The following EXOC4 variants were observed in gnomAD, a reference collection of about 807,000 sequenced individuals.
The protein encoded by EXOC4 is exocyst complex component 4.
Under a neutral mutation model 107.2 loss-of-function variants are expected in EXOC4, and 71 were observed. That is an observed-to-expected ratio of 0.66 (90% CI 0.55 to 0.81). EXOC4 has a LOEUF of 0.81. Among genes scored for constraint, EXOC4 ranks in the 30% least tolerant of loss-of-function variants. The pLI is 0.00. For missense variants in EXOC4, 1,108 were observed against 1,189.6 expected (o/e 0.93, Z 1.01); for synonymous variants, 456 against 441.2 (o/e 1.03, Z -0.42).
At chr7:133,751,951 C>T (rs1270289521) in intron 10 of EXOC4, among the ~76,000 whole-genome samples, 1 of 149,258 alleles carries the variant, frequency 6.7e-6, no homozygotes, top group East Asian at 2.0e-4. Context: ...TTGAGACCAG[C>T]CTGCACAACA....
chr7:133,934,984 T>C (rs1453700061), intron 13 of EXOC4, among the ~76,000 whole-genome samples: 1 of 151,236 alleles, frequency 6.6e-6, no homozygotes, highest in Non-Finnish European at 1.5e-5. Flanking sequence ...AGAAATTGCA[T>C]TTAGCAGCTA....
intron 9 of EXOC4, among the ~76,000 whole-genome samples, chr7:133,592,071 G>C (rs1801562525): frequency 6.6e-6 from 1 of 151,814 alleles, no homozygotes; most frequent in Non-Finnish European, 1.5e-5. Context: ...CTTTTTTCTT[G>C]TTTTTTTGAG....
chr7:133,877,260 T>G (rs1367883398), intron 11 of EXOC4, among the ~76,000 whole-genome samples: 1 of 152,240 alleles, frequency 6.6e-6, no homozygotes, highest in Non-Finnish European at 1.5e-5. Context: ...TCCCTGGGTC[T>G]GTTTCTCTTA....
chr7:133,885,709 A>G (rs945596197), intron 11 of EXOC4, among the ~76,000 whole-genome samples: 13 of 152,162 alleles, frequency 8.5e-5, no homozygotes, highest in Admixed American at 2.6e-4. Flanking sequence ...TGAGCTAGGA[A>G]TAGTATTCCA....
chr7:133,920,019 C>A (rs985359761), intron 13 of EXOC4, among the ~76,000 whole-genome samples: 1 of 152,166 alleles, frequency 6.6e-6, no homozygotes, highest in Non-Finnish European at 1.5e-5. Flanking sequence ...GGAACAAGAG[C>A]TCCTGTTTCT....
At chr7:133,419,883 G>A (rs929506485) in intron 7 of EXOC4, among the ~76,000 whole-genome samples, 1 of 152,016 alleles carries the variant, frequency 6.6e-6, no homozygotes, top group Non-Finnish European at 1.5e-5. Context: ...CTGCTTCAGG[G>A]TCTCTCACCA....
intron 10 of EXOC4, among the ~76,000 whole-genome samples, chr7:133,719,392 G>A (rs536181354): frequency 3.3e-5 from 5 of 152,244 alleles, no homozygotes; most frequent in African/African-American, 9.6e-5. Context: ...AGGAAAAATA[G>A]TGTGGTGGTA....
At chr7:133,437,898 A>C (rs186177013) in intron 7 of EXOC4, among the ~76,000 whole-genome samples, 1 of 152,324 alleles carries the variant, frequency 6.6e-6, no homozygotes, top group East Asian at 1.9e-4. Context: ...TAGCTAGTTT[A>C]GTCTTCATTA....
chr7:134,052,501 A>T (rs1380469625), intron 17 of EXOC4, among the ~76,000 whole-genome samples: 1 of 152,024 alleles, frequency 6.6e-6, no homozygotes, highest in African/African-American at 2.4e-5. Context: ...AATGTATGTC[A>T]GCATGGAGGA....
intron 1 of EXOC4, among the ~76,000 whole-genome samples, chr7:133,266,713 G>A (rs1793737674): frequency 6.6e-6 from 1 of 152,166 alleles, no homozygotes; most frequent in Admixed American, 6.5e-5. Flanking sequence ...GAGTTTTAAT[G>A]TTATGTTCTT....
chr7:133,498,210 T>C (rs1171526709), intron 9 of EXOC4, among the ~76,000 whole-genome samples: 2 of 152,188 alleles, frequency 1.3e-5, no homozygotes, highest in Admixed American at 1.3e-4. Flanking sequence ...CTCCTCCTTC[T>C]TTGCCATAGA....
At chr7:133,920,646 A>G (rs1344353675) in intron 13 of EXOC4, among the ~76,000 whole-genome samples, 1 of 152,244 alleles carries the variant, frequency 6.6e-6, no homozygotes, top group East Asian at 1.9e-4. Flanking sequence ...CATAAGCTAG[A>G]ATCATTGACT....
intron 9 of EXOC4, among the ~76,000 whole-genome samples, chr7:133,526,716 A>G (rs565815620): frequency 6.6e-6 from 1 of 152,344 alleles, no homozygotes; most frequent in South Asian, 2.1e-4. Flanking sequence ...TTTCGCCTAT[A>G]GTCCCAGCAC....
rs1410700817 is a variant in EXOC4, at chr7:134,065,270, C to G, written c.*742C>G. 1 of 152,192 alleles carries G rather than the reference C, an allele frequency of 6.6e-6. No homozygotes were observed. The highest frequency in any genetic ancestry group is 2.4e-5 in the African/African-American group (1 of 41,432). 9.4% of individuals were successfully genotyped at this position (152,192 alleles called of 1,614,324 possible). ...ATGGAGGAATGAAAGGCAATTCAAA[C>G]ATCTGCTTGATTCCCGCCCCGCCAC... On this transcript the variant is annotated 3_prime_UTR_variant, in exon 18 of 18. Coordinates refer to ENST00000253861, the MANE Select transcript of EXOC4 (RefSeq NM_021807.4).
chr7:133,448,580 G>T (rs1332121967), intron 7 of EXOC4, among the ~76,000 whole-genome samples: 3 of 152,118 alleles, frequency 2.0e-5, no homozygotes, highest in Non-Finnish European at 4.4e-5. Flanking sequence ...AAGTGCTGTG[G>T]TTATAGGCAT....
At chr7:133,820,005 C>T (rs555801753) in intron 11 of EXOC4, among the ~76,000 whole-genome samples, 5 of 152,078 alleles carry the variant, frequency 3.3e-5, no homozygotes, top group Admixed American at 1.3e-4. Flanking sequence ...TTTAAGTCAC[C>T]GTGAGGCTAG....
At chr7:133,341,824 T>C (rs1795667394) in intron 5 of EXOC4, among the ~76,000 whole-genome samples, 1 of 152,198 alleles carries the variant, frequency 6.6e-6, no homozygotes, top group South Asian at 2.1e-4. Flanking sequence ...GCTTTAAAGT[T>C]TGTTTTGTCT....
At chr7:133,422,435 A>G (rs1027381038) in intron 7 of EXOC4, among the ~76,000 whole-genome samples, 1 of 152,186 alleles carries the variant, frequency 6.6e-6, no homozygotes, top group African/African-American at 2.4e-5. Flanking sequence ...CTTATATTAT[A>G]CAATAAAGAG....
chr7:133,533,801 GA>G (rs144023433), intron 9 of EXOC4, among the ~76,000 whole-genome samples: 2,131 of 152,154 alleles, frequency 0.014, 57 homozygotes, highest in African/African-American at 0.049. Flanking sequence ...CAGTATGTTG[GA>G]AAAGAGAAAT....
Sources: gnomAD v4.1 joint callset for allele counts (sites outside exome capture counted in the v4.1 genomes callset) on GRCh38, gnomAD v4.1.1 for gene constraint, MANE v1.5 for transcripts, NCBI Gene and HGNC (gene_info 2026-07-23, HGNC 2026-07-21) for gene names.